Variants in ANO4 observed in about 807,000 individuals in gnomAD.
The protein encoded by ANO4 is anoctamin 4.
ANO4 carries 69 observed loss-of-function variants against 141.9 expected under a neutral mutation model. The ratio of observed to expected loss-of-function variants is 0.49; its 90% confidence interval spans 0.40 to 0.59. The LOEUF (loss-of-function observed/expected upper bound fraction) is 0.59, where lower values mean the gene tolerates loss of function less well. Among genes scored for constraint, ANO4 ranks in the 20% least tolerant of loss-of-function variants. ANO4 has a pLI of 0.00. For synonymous variants in ANO4, 350 were observed against 394.3 expected (o/e 0.89, Z 1.33); for missense variants, 894 against 1,162.2 (o/e 0.77, Z 3.36).
intron 3 of ANO4, among the ~76,000 whole-genome samples, chr12:100,924,639 T>C (rs2041786925): frequency 6.6e-6 from 1 of 152,118 alleles, no homozygotes; most frequent in Admixed American, 6.6e-5. Context: ...ATCAGATTAT[T>C]AGACATTGGA....
intron 1 of ANO4, among the ~76,000 whole-genome samples, chr12:100,896,893 T>A (rs1160058517): frequency 6.6e-6 from 1 of 152,198 alleles, no homozygotes; most frequent in Non-Finnish European, 1.5e-5. Flanking sequence ...ATGCTGGACA[T>A]TGCCATAAGC....
chr12:101,062,616 A>G (rs1417280693), intron 14 of ANO4, among the ~76,000 whole-genome samples: 1 of 152,190 alleles, frequency 6.6e-6, no homozygotes, highest in African/African-American at 2.4e-5. Context: ...CAGTCTGGCT[A>G]TAGTGGCTTT....
intron 8 of ANO4, among the ~76,000 whole-genome samples, chr12:100,990,355 G>A (rs1012128398): frequency 5.3e-5 from 8 of 152,146 alleles, no homozygotes; most frequent in South Asian, 2.1e-4. Flanking sequence ...ACTTCTCAGC[G>A]TGATTCTTAA....
At chr12:100,735,679 A>AT (rs1005233177) in intron 2 of ANO4, among the ~76,000 whole-genome samples, 6 of 151,964 alleles carry the variant, frequency 3.9e-5, no homozygotes, top group African/African-American at 1.5e-4. Context: ...CATTGGCTGG[A>AT]TATGGGGATA....
chr12:101,109,703 C>A (rs2137010214), intron 22 of ANO4, among the ~76,000 whole-genome samples: 1 of 152,226 alleles, frequency 6.6e-6, no homozygotes, highest in Admixed American at 6.5e-5. Flanking sequence ...AATACACTTC[C>A]CCCTACTAAT....
At chr12:100,769,529 G>A (rs937117317) in intron 3 of ANO4, among the ~76,000 whole-genome samples, 1 of 152,160 alleles carries the variant, frequency 6.6e-6, no homozygotes, top group Non-Finnish European at 1.5e-5. Flanking sequence ...TTCTATTTGT[G>A]AAATGAGGCT....
chr12:101,008,947 T>A (rs1409428165), intron 8 of ANO4, among the ~76,000 whole-genome samples: 1 of 152,194 alleles, frequency 6.6e-6, no homozygotes, highest in Non-Finnish European at 1.5e-5. Context: ...TTCTGTTTCC[T>A]GTGTATCATT....
intron 3 of ANO4, among the ~76,000 whole-genome samples, chr12:100,774,416 C>T (rs879282445): frequency 1.3e-5 from 2 of 152,098 alleles, no homozygotes; most frequent in Non-Finnish European, 2.9e-5. Context: ...TTTTTTAGGT[C>T]ATGGGGTGTA....
chr12:100,804,025 AG>A (rs2034849164), intron 1 of ANO4, among the ~76,000 whole-genome samples: 1 of 152,006 alleles, frequency 6.6e-6, no homozygotes, highest in Non-Finnish European at 1.5e-5. Flanking sequence ...AACGTGTGCC[AG>A]GGTGGTTTGC....
chr12:100,735,835 C>G (rs2031584168), intron 2 of ANO4, among the ~76,000 whole-genome samples: 1 of 152,050 alleles, frequency 6.6e-6, no homozygotes, highest in Admixed American at 6.6e-5. Context: ...GTCAGAATGC[C>G]TCACGGAAAA....
Position 101,096,652 on chromosome 12 carries a change from G to C in ANO4, c.1850+5G>C. 6.2e-7 allele frequency: 1 copy of C among 1,608,114 alleles called. No homozygotes were observed. The highest frequency in any genetic ancestry group is 8.5e-7 in the Non-Finnish European group (1 of 1,174,948). On this transcript the variant is annotated splice_donor_5th_base_variant and intron_variant, in intron 19 of 27. Coordinates refer to ENST00000392977, the MANE Select transcript of ANO4 (RefSeq NM_001286615.2). ...CATCGCATTCTTCCTCGGAAGGTAAGAACCTGACCCCTGCACACCTCCCCA... is the reference window on the plus strand; with the variant it reads ...CATCGCATTCTTCCTCGGAAGGTAACAACCTGACCCCTGCACACCTCCCCA...
chr12:101,011,553 A>G (rs2046093732), intron 8 of ANO4, among the ~76,000 whole-genome samples: 1 of 152,068 alleles, frequency 6.6e-6, no homozygotes, highest in African/African-American at 2.4e-5. Flanking sequence ...GAGACCTGTG[A>G]ATGAAAAAGA....
At chr12:100,867,849 G>A (rs2038833115) in intron 1 of ANO4, among the ~76,000 whole-genome samples, 1 of 152,286 alleles carries the variant, frequency 6.6e-6, no homozygotes, top group South Asian at 2.1e-4. Flanking sequence ...ACAGGGAGGG[G>A]CAGTTTTAGG....
chr12:100,745,645 A>G (rs1008726840), intron 3 of ANO4, among the ~76,000 whole-genome samples: 3 of 152,162 alleles, frequency 2.0e-5, no homozygotes, highest in Non-Finnish European at 4.4e-5. Flanking sequence ...CAAGAAGGAG[A>G]AGGTTGAAAT....
chr12:100,922,423 C>A, intron 3 of ANO4, 93 bp downstream of exon 3: 2 of 801,000 alleles, frequency 2.5e-6, no homozygotes, highest in Non-Finnish European at 3.6e-6. Context: ...AGATGTCAAG[C>A]TTTAAAAAAT....
At chr12:101,007,376 G>A (rs1161039899) in intron 8 of ANO4, among the ~76,000 whole-genome samples, 1 of 152,116 alleles carries the variant, frequency 6.6e-6, no homozygotes, top group Non-Finnish European at 1.5e-5. Context: ...AAATTTTTAA[G>A]TGACAAATAG....
intron 1 of ANO4, among the ~76,000 whole-genome samples, chr12:100,856,150 G>T (rs1490215498): frequency 6.6e-6 from 1 of 152,120 alleles, no homozygotes; most frequent in Non-Finnish European, 1.5e-5. Context: ...ATGGGTGAGA[G>T]AAAGGAGCTT....
chr12:100,811,497 C>G (rs1469747537), intron 1 of ANO4, among the ~76,000 whole-genome samples: 1 of 152,132 alleles, frequency 6.6e-6, no homozygotes, highest in African/African-American at 2.4e-5. Context: ...TTTTGTCAGA[C>G]CCTGACTTTT....
intron 1 of ANO4, among the ~76,000 whole-genome samples, chr12:100,870,612 C>A (rs1237647609): frequency 6.6e-6 from 1 of 152,028 alleles, no homozygotes; most frequent in Non-Finnish European, 1.5e-5. Context: ...CTGTGGGTCA[C>A]TTTTATCTGA....
Sources: allele counts gnomAD v4.1 joint callset (sites outside exome capture counted in the v4.1 genomes callset), GRCh38; gene constraint gnomAD v4.1.1; transcripts MANE v1.5; gene names NCBI Gene and HGNC (gene_info 2026-07-23, HGNC 2026-07-21).